Variants in CAMP observed in about 807,000 individuals in gnomAD.
The protein encoded by CAMP is 18 kDa cationic antimicrobial protein.
CAMP carries 10 observed loss-of-function variants against 12.7 expected under a neutral mutation model. The observed-to-expected ratio is 0.79, with a 90% confidence interval of 0.49 to 1.34. The LOEUF is 1.34. Among genes scored for constraint, CAMP ranks in the 40% most tolerant of loss-of-function variants. The pLI is 0.00. For synonymous variants in CAMP, 87 were observed against 85.2 expected, an observed-to-expected ratio of 1.02 and a Z score of -0.12; for missense variants, 205 against 213.0, an observed-to-expected ratio of 0.96 and a Z score of 0.23.
chr3:48,223,999 C>T (rs562224730), intron 1 of CAMP, among the ~76,000 whole-genome samples: 3 of 152,272 alleles, frequency 2.0e-5, no homozygotes, highest in African/African-American at 7.2e-5. Flanking sequence ...GTGACCTCCT[C>T]TGCTTTAAGT....
At chr3:48,224,743 T>A in intron 3 of CAMP, 69 bp downstream of exon 3, 2 of 1,166,166 alleles carry the variant, frequency 1.7e-6, no homozygotes, top group Non-Finnish European at 2.6e-6. Flanking sequence ...ATGGGTCAAT[T>A]AACTACTCCC....
At chr3:48,223,807 C>G in intron 1 of CAMP, 95 bp downstream of exon 1, 1 of 928,640 alleles carries the variant, frequency 1.1e-6, no homozygotes, top group Non-Finnish European at 1.7e-6. Flanking sequence ...GAGGGCATCT[C>G]CCCCTTTAAA....
chr3:48,225,087 C>T (rs973649634), intron 3 of CAMP, among the ~76,000 whole-genome samples: 5 of 152,186 alleles, frequency 3.3e-5, no homozygotes, highest in Non-Finnish European at 7.3e-5. Flanking sequence ...GAGCCCCTCA[C>T]TATCTCCGGG....
chr3:48,224,536 C>T, intron 2 of CAMP, 67 bp from the exon 3 acceptor site: 1 of 1,543,746 alleles, frequency 6.5e-7, no homozygotes, highest in Non-Finnish European at 9.0e-7. Flanking sequence ...GAATATTTCC[C>T]ACTGGGATGT....
chr3:48,224,816 C>G (rs1177041501), intron 3 of CAMP, 142 bp downstream of exon 3: 4 of 681,960 alleles, frequency 5.9e-6, no homozygotes, highest in Admixed American at 2.6e-5. Flanking sequence ...AGTTCCATCT[C>G]CAGGGCCGGC....
rs1451203660 is a variant in CAMP, at chr3:48,225,430, G to A, written c.*6G>A. The A allele has an allele frequency of 1.2e-6, 2 of 1,608,958 alleles. No individual in the cohort carries two copies. The highest frequency in any genetic ancestry group is 3.3e-5 in the Admixed American group (2 of 59,816). ...TACCCAGGACAGAGTCCTAGTGTGT[G>A]CCCTACCCTGGCTCAGGCTTCTGGG... is the stretch of plus-strand genomic sequence containing the variant. On this transcript the variant is annotated 3_prime_UTR_variant, in exon 4 of 4. Coordinates refer to ENST00000652295, the MANE Select transcript of CAMP (RefSeq NM_004345.5).
In CAMP at chr3:48,223,724, G is replaced by A; in HGVS notation, c.201+12G>A. ...CCAGGCCCACGATGGTGAGCTTTGGGGGACATTCTGCTCTGCTCTGGCTGG... is the reference window on the plus strand; with the variant it reads ...CCAGGCCCACGATGGTGAGCTTTGGAGGACATTCTGCTCTGCTCTGGCTGG... On this transcript the variant is annotated intron_variant, in intron 1 of 3. Transcript: ENST00000652295. 1 of 1,609,036 alleles carries A rather than the reference G, an allele frequency of 6.2e-7. No homozygotes were observed.
chr3:48,224,425 G>A lies in CAMP; in HGVS notation c.273G>A (p.Gln91=). The change falls in exon 2 of 4, where the codon CAG becomes CAA. Residue 91 remains glutamine, a synonymous_variant. Coordinates refer to ENST00000652295, the MANE Select transcript of CAMP (RefSeq NM_004345.5). ...AGACAGTGTGCCCCAGGACGACACA[G>A]CAGTCACCAGAGGATTGTGACTTCA... The part of the protein sequence containing the change: ...VKETVCPRTT[Q]QSPEDCDFKK... 1 of 1,613,700 alleles carries A rather than the reference G, an allele frequency of 6.2e-7. No individual in the cohort carries two copies. Among genetic ancestry groups the A allele is most frequent in the Non-Finnish European group, 8.5e-7 (1 of 1,179,598 alleles).
rs1329903215 is a variant in CAMP, at chr3:48,223,523, A to C, written c.12A>C (p.Gln4His). ...CAGACATGGGGACCATGAAGACCCA[A>C]AGGGATGGCCACTCCCTGGGGCGGT... MKT[Q>H]RDGHSLGRWS... The change falls in exon 1 of 4, where the codon CAA (glutamine) becomes CAC (histidine). Residue 4 changes from glutamine to histidine, a missense_variant. By Grantham distance (24) the Gln-to-His change is conservative (BLOSUM62 0). Transcript: ENST00000652295. The C allele has an allele frequency of 1.3e-6, 2 of 1,597,934 alleles. No homozygotes were observed.
chr3:48,223,827 G>A (rs535623340), intron 1 of CAMP, 115 bp downstream of exon 1: 76 of 758,258 alleles, frequency 1.0e-4, no homozygotes, highest in African/African-American at 4.4e-4. Flanking sequence ...ATGTGGTCCC[G>A]TGTTTTCCAG....
chr3:48,223,755 G>T, intron 1 of CAMP, 43 bp downstream of exon 1: 1 of 1,494,002 alleles, frequency 6.7e-7, no homozygotes, highest in Non-Finnish European at 9.3e-7. Flanking sequence ...GCTGGGCTTG[G>T]CCACGTGTTG....
intron 1 of CAMP, 66 bp downstream of exon 1, chr3:48,223,778 C>CTGGCAGGCAG: frequency 8.2e-7 from 1 of 1,213,922 alleles, no homozygotes; most frequent in Non-Finnish European, 1.2e-6. Flanking sequence ...CCTTCTGCTC[C>CTGGCAGGCAG]TGCTGCACTG....
rs118182010 is a variant in CAMP at position 48,224,168 on chromosome 3, C to T, written c.202-186C>T. Reference sequence around the variant, plus strand: ...AGAGCTCATCTGAGGTCTGCTCCTACTCACTGTTCACCTAGGAGGGTAGGA... The same window carrying T: ...AGAGCTCATCTGAGGTCTGCTCCTATTCACTGTTCACCTAGGAGGGTAGGA... On this transcript the variant is annotated intron_variant, in intron 1 of 3. Coordinates refer to ENST00000652295, the MANE Select transcript of CAMP (RefSeq NM_004345.5). Among the ~76,000 whole-genome samples the T allele has an allele frequency of 3.1e-4, 47 of 152,186 alleles. 1 individual carries two copies. In the East Asian group the frequency reaches 8.3e-3, roughly 27 times the overall value.
Position 48,223,504 on chromosome 3 carries a change from T to C in CAMP, c.-8T>C, listed in dbSNP as rs755640521. ...CCTGTGGGCTAGAGGGAGGCAGACA[T>C]GGGGACCATGAAGACCCAAAGGGAT... On this transcript the variant is annotated 5_prime_UTR_variant, in exon 1 of 4. It removes an upstream start codon present in the reference 5' UTR. Coordinates refer to ENST00000652295, the MANE Select transcript of CAMP (RefSeq NM_004345.5). The C allele has an allele frequency of 8.2e-6, 13 of 1,578,992 alleles. No homozygotes were observed. In the South Asian group the frequency reaches 1.5e-4, roughly 18 times the overall value.
intron 1 of CAMP, 105 bp from the exon 2 acceptor site, chr3:48,224,249 C>T (rs1052101820): frequency 3.1e-5 from 23 of 736,616 alleles, no homozygotes; most frequent in Admixed American, 8.7e-5. Flanking sequence ...ACCCAGTGCC[C>T]GTCGCACATC....
chr3:48,223,783 G>A, intron 1 of CAMP, 71 bp downstream of exon 1: 1 of 1,166,804 alleles, frequency 8.6e-7, no homozygotes, highest in Non-Finnish European at 1.3e-6. Context: ...TGCTCCTGCT[G>A]CACTGCCTGC....
intron 3 of CAMP, 150 bp from the exon 4 acceptor site, chr3:48,225,143 T>C: frequency 1.5e-6 from 1 of 674,800 alleles, no homozygotes; most frequent in Non-Finnish European, 2.6e-6. Context: ...TTCAATCACA[T>C]GCTTCAAAGG....
rs560486798 is a variant in CAMP at position 48,225,325 on chromosome 3, C to T, written c.414C>T (p.Phe138=). The change falls in exon 4 of 4, where the codon TTC becomes TTT. Residue 138 remains phenylalanine (F), a synonymous_variant. Transcript: ENST00000652295. ...DNKRFALLGD[F]FRKSKEKIGK... is the part of the protein sequence containing the mutation. ...AGAGATTTGCCCTGCTGGGTGATTT[C>T]TTCCGGAAATCTAAAGAGAAGATTG... 3.1e-6 allele frequency: 5 copies of T among 1,613,636 alleles called. No individual in the cohort carries two copies. The Admixed American group carries it at 8.3e-5, about 27-fold the overall frequency.
At chr3:48,224,823 C>G (rs1043360343) in intron 3 of CAMP, 149 bp downstream of exon 3, 1 of 667,602 alleles carries the variant, frequency 1.5e-6, no homozygotes, top group African/African-American at 1.8e-5. Flanking sequence ...TCTCCAGGGC[C>G]GGCTCTGGAA....
Sources: gnomAD v4.1 joint callset for allele counts (sites outside exome capture counted in the v4.1 genomes callset) on GRCh38, gnomAD v4.1.1 for gene constraint, MANE v1.5 for transcripts, NCBI Gene and HGNC (gene_info 2026-07-23, HGNC 2026-07-21) for gene names.